Variants in PRUNE2 observed in about 807,000 individuals in gnomAD.
PRUNE2 encodes the protein prune homolog 2 with BCH domain.
PRUNE2 carries 164 observed loss-of-function variants against 252.0 expected under a neutral mutation model. The ratio of observed to expected loss-of-function variants is 0.65; its 90% CI spans 0.57 to 0.74. The LOEUF (loss-of-function observed/expected upper bound fraction) is 0.74, where lower values mean the gene tolerates loss of function less well. Ranked by LOEUF, PRUNE2 falls within the 30% of genes least tolerant of loss-of-function variation. The probability of loss-of-function intolerance (pLI) is 0.00; values close to 1 mark genes in which losing one functional copy is unlikely to be tolerated. For synonymous variants in PRUNE2, 1,292 were observed against 1,350.2 expected (o/e 0.96, Z 0.94); for missense variants, 3,495 against 3,711.0 (o/e 0.94, Z 1.51).
intron 6 of PRUNE2, among the ~76,000 whole-genome samples, chr9:76,766,905 C>T (rs1344764517): frequency 1.3e-5 from 2 of 152,148 alleles, no homozygotes; most frequent in African/African-American, 2.4e-5. Context: ...ATACACAACG[C>T]ATACACATGA....
intron 9 of PRUNE2, among the ~76,000 whole-genome samples, chr9:76,678,688 GC>G (rs2043065249): frequency 6.6e-6 from 1 of 151,946 alleles, no homozygotes; most frequent in Non-Finnish European, 1.5e-5. Context: ...AATTAGCCGG[GC>G]GTGGTGGCGG....
intron 6 of PRUNE2, among the ~76,000 whole-genome samples, chr9:76,810,184 A>T (rs2057262225): frequency 6.6e-6 from 1 of 152,250 alleles, no homozygotes; most frequent in African/African-American, 2.4e-5. Flanking sequence ...TTGAGGGGCA[A>T]AACATAGACA....
Position 76,704,997 on chromosome 9 carries a change from G to C in PRUNE2, c.7277C>G (p.Ala2426Gly). 1 of 1,613,764 alleles carries C rather than the reference G, an allele frequency of 6.2e-7. No individual in the cohort carries two copies. Among genetic ancestry groups the C allele is most frequent in the Non-Finnish European group, 8.5e-7 (1 of 1,179,744 alleles). The change falls in exon 8 of 19, where the codon GCA becomes GGA. Residue 2426 changes from alanine (A) to glycine (G), a missense_variant. By Grantham distance (60) the Ala-to-Gly change is moderately conservative (BLOSUM62 0). Coordinates refer to ENST00000376718, the MANE Select transcript of PRUNE2 (RefSeq NM_015225.3). ...SPEDESLGCR[A>G]AEIVLSALPD... Reference sequence around the variant, plus strand: ...AAGTGCAGAAAGCACTATCTCTGCTGCTCTGCATCCCAGAGATTCATCCTC... The same window carrying C: ...AAGTGCAGAAAGCACTATCTCTGCTCCTCTGCATCCCAGAGATTCATCCTC...
At chr9:76,870,409 G>A (rs957619903) in intron 1 of PRUNE2, among the ~76,000 whole-genome samples, 1 of 151,978 alleles carries the variant, frequency 6.6e-6, no homozygotes, top group Non-Finnish European at 1.5e-5. Context: ...CCTCCGGCCG[G>A]GTGCGGTGGC....
At chr9:76,732,902 G>T (rs2048755125) in intron 6 of PRUNE2, among the ~76,000 whole-genome samples, 1 of 152,020 alleles carries the variant, frequency 6.6e-6, no homozygotes, top group African/African-American at 2.4e-5. Context: ...CATTCTAAAA[G>T]GCCACCAACA....
rs114695670 is a variant in PRUNE2 at position 76,873,980 on chromosome 9, A to G, written c.37-19772T>C. On this transcript the variant is annotated intron_variant, in intron 1 of 18. Transcript: ENST00000376718. Reference sequence around the variant, plus strand: ...ACTATGGAATACTTAGAGCACAGACATATGGAACAAAACAGGGCAACTTAT... The same window carrying G: ...ACTATGGAATACTTAGAGCACAGACGTATGGAACAAAACAGGGCAACTTAT... 8.8e-3 allele frequency among the ~76,000 whole-genome samples: 1,336 copies of G among 152,328 alleles called. 25 individuals are homozygous for G. The highest frequency in any genetic ancestry group is 0.03 in the African/African-American group (1,238 of 41,572).
chr9:76,714,638 C>T (rs1408634027), intron 6 of PRUNE2, among the ~76,000 whole-genome samples: 1 of 152,200 alleles, frequency 6.6e-6, no homozygotes, highest in East Asian at 1.9e-4. Context: ...CTCAACTGAT[C>T]CACCCACTTC....
At chr9:76,779,754 T>C (rs559332725) in intron 6 of PRUNE2, 2 of 152,270 alleles carry the variant, frequency 1.3e-5, no homozygotes, top group African/African-American at 4.8e-5. Context: ...GCATGATGGA[T>C]AATGAATGTT....
At chr9:76,837,827 A>T (rs935689039) in intron 4 of PRUNE2, among the ~76,000 whole-genome samples, 7 of 147,968 alleles carry the variant, frequency 4.7e-5, no homozygotes, top group Non-Finnish European at 7.4e-5. Context: ...GCTGGAGTGC[A>T]GTGGCGCAAT....
intron 9 of PRUNE2, among the ~76,000 whole-genome samples, chr9:76,676,627 T>C (rs1328104895): frequency 2.0e-5 from 3 of 152,192 alleles, no homozygotes; most frequent in African/African-American, 7.2e-5. Flanking sequence ...TATGAACATG[T>C]GGCAACATTT....
At chr9:76,827,946 CACAA>C (rs1243522608) in intron 4 of PRUNE2, among the ~76,000 whole-genome samples, 2 of 152,216 alleles carry the variant, frequency 1.3e-5, no homozygotes, top group East Asian at 3.8e-4. Context: ...TTCATTCCCT[CACAA>C]ACAATTACTG....
chr9:76,742,836 A>G (rs1474926304), intron 6 of PRUNE2, among the ~76,000 whole-genome samples: 1 of 152,210 alleles, frequency 6.6e-6, no homozygotes, highest in Non-Finnish European at 1.5e-5. Flanking sequence ...AAAGGGAGAA[A>G]AAGGTCTAGA....
chr9:76,879,411 A>T (rs2061635075), intron 1 of PRUNE2, among the ~76,000 whole-genome samples: 1 of 152,210 alleles, frequency 6.6e-6, no homozygotes, highest in Non-Finnish European at 1.5e-5. Flanking sequence ...TGTTTACTCA[A>T]CATCAGTGAA....
rs745462357 is a variant in PRUNE2 at position 76,846,539 on chromosome 9, C to G, written c.484G>C (p.Glu162Gln). The G allele has an allele frequency of 1.9e-6, 3 of 1,613,618 alleles. No homozygotes were observed. Among genetic ancestry groups the G allele is most frequent in the Non-Finnish European group, 2.5e-6 (3 of 1,179,812 alleles). The change falls in exon 4 of 19, where the codon GAG becomes CAG. Residue 162 changes from glutamate (E) to glutamine (Q), a missense_variant. By Grantham distance (29) the Glu-to-Gln change is conservative (BLOSUM62 2). Transcript: ENST00000376718. ...ILQEAPELIT[E>Q]QLAHRLRGSI... ...CCTCTGAGGCGATGAGCCAGTTGCT[C>G]GGTGATGAGCTCAGGAGCCTCTTGG... is the stretch of plus-strand genomic sequence containing the variant.
intron 6 of PRUNE2, among the ~76,000 whole-genome samples, chr9:76,733,239 G>A (rs1007006239): frequency 6.6e-6 from 1 of 152,118 alleles, no homozygotes; most frequent in African/African-American, 2.4e-5. Flanking sequence ...CATCTTCATG[G>A]ACTGAAGTGC....
chr9:76,764,915 T>C (rs1196496825), intron 6 of PRUNE2, among the ~76,000 whole-genome samples: 1 of 152,200 alleles, frequency 6.6e-6, no homozygotes, highest in Admixed American at 6.5e-5. Flanking sequence ...CTCTGGCACA[T>C]AGAAGACACT....
At chr9:76,813,452 TAA>T (rs2057487444) in intron 6 of PRUNE2, among the ~76,000 whole-genome samples, 2 of 152,138 alleles carry the variant, frequency 1.3e-5, no homozygotes, top group Admixed American at 1.3e-4. Flanking sequence ...AGATAAAACA[TAA>T]AAGTGTGTTG....
At chr9:76,779,893 G>C (rs1044688866) in intron 6 of PRUNE2, 1 of 152,146 alleles carries the variant, frequency 6.6e-6, no homozygotes, top group Admixed American at 6.5e-5. Flanking sequence ...TCTATACAGA[G>C]AAATATTTTT....
chr9:76,874,040 C>T (rs753362937), intron 1 of PRUNE2, among the ~76,000 whole-genome samples: 2 of 152,114 alleles, frequency 1.3e-5, no homozygotes, highest in African/African-American at 4.8e-5. Flanking sequence ...TACATCTCTT[C>T]GGGAGATGTA....
Sources: gnomAD v4.1 joint callset for allele counts (sites outside exome capture counted in the v4.1 genomes callset) on GRCh38, gnomAD v4.1.1 for gene constraint, MANE v1.5 for transcripts, NCBI Gene and HGNC (gene_info 2026-07-23, HGNC 2026-07-21) for gene names.